TSGA13: variants seen among roughly 807,000 people sequenced by gnomAD.
TSGA13 encodes the protein testis-specific gene 13 protein.
Under a neutral mutation model 35.1 loss-of-function variants are expected in TSGA13, and 37 were observed. The ratio of observed to expected loss-of-function variants is 1.05; its 90% CI spans 0.81 to 1.39. The LOEUF is 1.39. TSGA13 is among the 40% of genes most tolerant of loss of function. TSGA13 has a pLI of 0.00. For synonymous variants in TSGA13, 124 were observed against 121.2 expected (o/e 1.02, Z -0.15); for missense variants, 338 against 328.5 (o/e 1.03, Z -0.22).
intron 5 of TSGA13, among the ~76,000 whole-genome samples, chr7:130,677,456 G>T (rs1234497386): frequency 1.4e-5 from 2 of 147,838 alleles, no homozygotes; most frequent in Non-Finnish European, 3.0e-5. Flanking sequence ...ATAGAGTCTC[G>T]CCCTGTCGCC....
At position 130,679,289 on chromosome 7, in the gene TSGA13, A is replaced by C; in HGVS notation, c.253T>G (p.Leu85Val). Residue 85 changes from leucine to valine, a missense_variant, in exon 5 of 8, where the codon TTA (leucine) becomes GTA (valine). Leu to Val is a conservative substitution (Grantham distance 32). Coordinates refer to ENST00000356588, the MANE Select transcript of TSGA13 (RefSeq NM_052933.4). ...TCCTGGTCATACTGTGTTACTTTTA[A>C]CATGAAGCTGGTGTTTTTCCTGTTT... ...AQNRKNTSFM[L>V]KVTQYDQDKT... The C allele has an allele frequency of 6.2e-7, 1 of 1,614,152 alleles. No individual in the cohort carries two copies. The highest frequency in any genetic ancestry group is 8.5e-7 in the Non-Finnish European group (1 of 1,180,026).
Position 130,668,895 on chromosome 7 carries a change from CG to C in TSGA13, c.*118del. 1.4e-6 allele frequency: 2 copies of C among 1,459,200 alleles called. No individual in the cohort carries two copies. The highest frequency in any genetic ancestry group is 2.9e-5 in the African/African-American group (2 of 69,792). The allele number at this position is 1,459,200 out of a possible 1,614,324, so 90.4% of individuals were successfully genotyped here. A position where few individuals can be genotyped will look rare whatever the true frequency, so the allele number is the denominator to read the frequency against. On this transcript the variant is annotated 3_prime_UTR_variant, in exon 8 of 8. Transcript: ENST00000356588. ...GCCGGAGACTTCGGCTCGACCCTCC[CG>C]GCTTGCGACCCGGGAGCCCACGCCC... is the stretch of plus-strand genomic sequence containing the variant.
intron 1 of TSGA13, 35 bp from the exon 2 acceptor site, chr7:130,685,395 A>G (rs1796638051): frequency 7.4e-7 from 1 of 1,360,212 alleles, no homozygotes; most frequent in Non-Finnish European, 9.6e-7. Flanking sequence ...GATAGGTGCT[A>G]TTGTAGATGT....
At chr7:130,677,337 T>G (rs563572446) in intron 5 of TSGA13, among the ~76,000 whole-genome samples, 13 of 152,344 alleles carry the variant, frequency 8.5e-5, no homozygotes, top group African/African-American at 3.1e-4. Flanking sequence ...CCACAACTAC[T>G]AATGCACCTT....
rs966217373 is a variant in TSGA13, at chr7:130,668,890, C to G, written c.*124G>C. ...GGCCCGCCGGAGACTTCGGCTCGAC[C>G]CTCCCGGCTTGCGACCCGGGAGCCC... On this transcript the variant is annotated 3_prime_UTR_variant, in exon 8 of 8. Coordinates refer to ENST00000356588, the MANE Select transcript of TSGA13 (RefSeq NM_052933.4). 19 of 1,436,002 alleles carry G rather than the reference C, an allele frequency of 1.3e-5. No individual in the cohort carries two copies. Among genetic ancestry groups the G allele is most frequent in the Non-Finnish European group, 1.8e-5 (19 of 1,069,122 alleles). The allele number at this position is 1,436,002 out of a possible 1,614,324, so 89.0% of individuals were successfully genotyped here.
chr7:130,680,375 G>A (rs965889879), intron 4 of TSGA13, among the ~76,000 whole-genome samples: 1 of 151,966 alleles, frequency 6.6e-6, no homozygotes, highest in East Asian at 1.9e-4. Context: ...GCGTAGTGGG[G>A]GGCGCCTATA....
chr7:130,678,357 C>T (rs183939282), intron 5 of TSGA13, among the ~76,000 whole-genome samples: 3 of 148,636 alleles, frequency 2.0e-5, no homozygotes, highest in African/African-American at 2.5e-5. Context: ...CCAGCCTGAG[C>T]GATAGAACGA....
In TSGA13 at chr7:130,683,190, G is replaced by C. The variant is rs532706429; in HGVS notation, c.102+404C>G. 7.2e-5 allele frequency among the ~76,000 whole-genome samples: 11 copies of C among 152,278 alleles called. No homozygotes were observed. In the East Asian group the frequency reaches 2.1e-3, roughly 29 times the overall value. On this transcript the variant is annotated intron_variant, in intron 3 of 7. Coordinates refer to ENST00000356588, the MANE Select transcript of TSGA13 (RefSeq NM_052933.4). ...CAAATTGGAATGTGTTTTTAGTTTTGTTATGTTGAATTTCACTATCTGTGG... is the reference window on the plus strand; with the variant it reads ...CAAATTGGAATGTGTTTTTAGTTTTCTTATGTTGAATTTCACTATCTGTGG...
In TSGA13 at chr7:130,673,153, G is replaced by A. The variant is rs142541912; in HGVS notation, c.388-277C>T. On this transcript the variant is annotated intron_variant, in intron 5 of 7. Coordinates refer to ENST00000356588, the MANE Select transcript of TSGA13 (RefSeq NM_052933.4). ...CTGGCCCTTGGAAGTGAATGGCAGA[G>A]AAAGTTACCCAGTTTGGGGAAGGAT... 6.9e-3 allele frequency among the ~76,000 whole-genome samples: 1,058 copies of A among 152,332 alleles called. 12 individuals carry two copies. Among genetic ancestry groups the A allele is most frequent in the African/African-American group, 0.024 (1,002 of 41,582 alleles).
chr7:130,679,191 T>A lies in TSGA13; in HGVS notation c.351A>T (p.Ser117=), dbSNP rs369488699. The A allele has an allele frequency of 7.0e-5, 113 of 1,614,080 alleles. No individual in the cohort carries two copies. Among genetic ancestry groups the A allele is most frequent in the Non-Finnish European group, 9.4e-5 (111 of 1,180,038 alleles). Reference sequence around the variant, plus strand: ...GCAGTAACTCCTTGGAAAAATATTTTGATGCACTCTCCTTGTCTTGCTGGG... The same window carrying A: ...GCAGTAACTCCTTGGAAAAATATTTAGATGCACTCTCCTTGTCTTGCTGGG... ...SITQQDKESA[S]KYFSKELLLK... Residue 117 remains serine (S), a synonymous_variant, in exon 5 of 8, where the codon TCA becomes TCT. Coordinates refer to ENST00000356588, the MANE Select transcript of TSGA13 (RefSeq NM_052933.4).
In TSGA13 at chr7:130,669,133, G is replaced by A. The variant is rs782694890; in HGVS notation, c.709C>T (p.Pro237Ser). The A allele has an allele frequency of 3.7e-6, 6 of 1,614,220 alleles. No individual in the cohort carries two copies. Among genetic ancestry groups the A allele is most frequent in the South Asian group, 2.2e-5 (2 of 91,084 alleles). Residue 237 changes from proline (P) to serine (S), a missense_variant, in exon 8 of 8, where the codon CCA becomes TCA. By Grantham distance (74) the Pro-to-Ser change is moderately conservative. Transcript: ENST00000356588. Reference sequence around the variant, plus strand: ...TCCAAGAGCGATGCGAGTGTCAGTGGTTCCCGAATCACTTTGGAAATTGGC... The same window carrying A: ...TCCAAGAGCGATGCGAGTGTCAGTGATTCCCGAATCACTTTGGAAATTGGC... ...ERPISKVIRE[P>S]LTLASLLEDM...
In TSGA13 at chr7:130,679,171, A is replaced by G; in HGVS notation, c.371T>C (p.Leu124Ser). 6.2e-7 allele frequency: 1 copy of G among 1,614,096 alleles called. No individual in the cohort carries two copies. Among genetic ancestry groups the G allele is most frequent in the Non-Finnish European group, 8.5e-7 (1 of 1,179,958 alleles). ...TCTGCTTACCATGACCTTGAGCAGT[A>G]ACTCCTTGGAAAAATATTTTGATGC... ...ESASKYFSKE[L>S]LLKVMESHHQ... The change falls in exon 5 of 8, where the codon TTA (leucine) becomes TCA (serine). Residue 124 changes from leucine to serine, a missense_variant. By Grantham distance (145) the Leu-to-Ser change is moderately radical. Coordinates refer to ENST00000356588, the MANE Select transcript of TSGA13 (RefSeq NM_052933.4).
chr7:130,680,920 C>A (rs781864147), intron 4 of TSGA13, 26 bp downstream of exon 4: 4 of 1,610,934 alleles, frequency 2.5e-6, no homozygotes, highest in Non-Finnish European at 3.4e-6. Flanking sequence ...CCTTAGAGAT[C>A]TTGGGGGAAT....
chr7:130,673,093 GT>G (rs1340870770), intron 5 of TSGA13, among the ~76,000 whole-genome samples: 1 of 152,220 alleles, frequency 6.6e-6, no homozygotes, highest in Non-Finnish European at 1.5e-5. Flanking sequence ...TCCAAAACCT[GT>G]TCAGTTTCCT....
chr7:130,674,169 CTTTTTTTT>C (rs1162370815), intron 5 of TSGA13, among the ~76,000 whole-genome samples: 1 of 98,414 alleles, frequency 1.0e-5, no homozygotes, highest in Non-Finnish European at 2.0e-5. Flanking sequence ...TTCTTTTTTT[CTTTTTTTT>C]TTTTTTTTTT....
intron 2 of TSGA13, among the ~76,000 whole-genome samples, chr7:130,684,338 G>C (rs1285138854): frequency 1.3e-5 from 2 of 152,152 alleles, no homozygotes; most frequent in Non-Finnish European, 2.9e-5. Flanking sequence ...GCAGAAAATA[G>C]GGTGAAGCAG....
rs1179835363 is a variant in TSGA13 at position 130,685,264 on chromosome 7, T to C, written c.-54A>G. The C allele has an allele frequency of 1.9e-6, 3 of 1,610,208 alleles. No individual in the cohort carries two copies. The highest frequency in any genetic ancestry group is 1.3e-5 in the African/African-American group (1 of 74,886). The stretch of plus-strand genomic sequence containing the variant: ...AGGCAGGTATTCACCCAAGGCCAAA[T>C]TCAGGTCTCTAAATAGTCCACGTTC... On this transcript the variant is annotated 5_prime_UTR_variant, in exon 2 of 8. Transcript: ENST00000356588.
At chr7:130,675,941 A>T (rs1003002892) in intron 5 of TSGA13, among the ~76,000 whole-genome samples, 57 of 152,340 alleles carry the variant, frequency 3.7e-4, no homozygotes, top group African/African-American at 1.3e-3. Flanking sequence ...TCTGGTCTCA[A>T]CTAGGAGTGG....
At position 130,672,755 on chromosome 7, in the gene TSGA13, GA is replaced by G. The variant is rs782489652; in HGVS notation, c.508del (p.Ser170ProfsTer27). ...TCACCTAAACCATTGTTCTCGCTTGGATGTGGGATCATCCGACAGTATCAAA... is the reference window on the plus strand; with the variant it reads ...TCACCTAAACCATTGTTCTCGCTTGGTGTGGGATCATCCGACAGTATCAAA... ...FPLILSDDPT[S>X]KREQWFRFST... is the part of the protein sequence containing the mutation. On this transcript the variant is annotated frameshift_variant, in exon 6 of 8. Coordinates refer to ENST00000356588, the MANE Select transcript of TSGA13 (RefSeq NM_052933.4). LOFTEE classifies it high-confidence loss of function. 1.2e-6 allele frequency: 2 copies of G among 1,613,950 alleles called. No homozygotes were observed. The highest frequency in any genetic ancestry group is 8.5e-7 in the Non-Finnish European group (1 of 1,179,906).
Sources: allele counts gnomAD v4.1 joint callset (sites outside exome capture counted in the v4.1 genomes callset), GRCh38; gene constraint gnomAD v4.1.1; transcripts MANE v1.5; gene names NCBI Gene and HGNC (gene_info 2026-07-23, HGNC 2026-07-21).